DENND5A: variants seen among roughly 807,000 people sequenced by gnomAD.
DENND5A encodes DENN domain-containing protein 5A.
In DENND5A, 64 loss-of-function variants were observed where a neutral mutation model predicts 140.3. That is an observed-to-expected ratio of 0.46 (90% CI 0.37 to 0.56). DENND5A has a LOEUF of 0.56. Among genes scored for constraint, DENND5A ranks in the 20% least tolerant of loss-of-function variants. The probability of loss-of-function intolerance (pLI) is 0.00; values close to 1 mark genes in which losing one functional copy is unlikely to be tolerated. For synonymous variants in DENND5A, 605 were observed against 607.7 expected (o/e 1.00, Z 0.07); for missense variants, 1,292 against 1,593.8 (o/e 0.81, Z 3.22).
At chr11:9,185,963 G>A (rs182008113) in intron 5 of DENND5A, among the ~76,000 whole-genome samples, 1 of 152,122 alleles carries the variant, frequency 6.6e-6, no homozygotes, top group Admixed American at 6.5e-5. Flanking sequence ...CTGTGTCTGT[G>A]ATAATAAAAA....
intron 1 of DENND5A, among the ~76,000 whole-genome samples, chr11:9,244,923 C>G (rs897751863): frequency 1.3e-5 from 2 of 151,936 alleles, no homozygotes; most frequent in African/African-American, 4.8e-5. Context: ...GCGATCCACC[C>G]TCCTTGGCCT....
At position 9,144,126 on chromosome 11, in the gene DENND5A, A is replaced by G. The variant is rs1364300375; in HGVS notation, c.3275T>C (p.Leu1092Pro). ...LQQSPSVIRR[L>P]VTISPNNKPK... Reference sequence around the variant, plus strand: ...CTTGTTGTTGGGTGAGATGGTAACAAGCCTCCGGATGACACTGGGGGACTG... The same window carrying G: ...CTTGTTGTTGGGTGAGATGGTAACAGGCCTCCGGATGACACTGGGGGACTG... Residue 1092 changes from leucine (L) to proline (P), a missense_variant, in exon 19 of 23, where the codon CTT becomes CCT. Transcript: ENST00000328194. The G allele has an allele frequency of 3.1e-6, 5 of 1,613,842 alleles. No individual in the cohort carries two copies. Among genetic ancestry groups the G allele is most frequent in the Non-Finnish European group, 4.2e-6 (5 of 1,179,944 alleles).
chr11:9,252,852 AT>A (rs576567620), intron 1 of DENND5A, among the ~76,000 whole-genome samples: 391 of 143,800 alleles, frequency 2.7e-3, no homozygotes, highest in Middle Eastern at 3.6e-3. Context: ...CAGCAACAGG[AT>A]TTTTTTTTTT....
chr11:9,237,697 C>G (rs1018088493), intron 1 of DENND5A, among the ~76,000 whole-genome samples: 2 of 151,994 alleles, frequency 1.3e-5, no homozygotes, highest in Non-Finnish European at 2.9e-5. Context: ...ACCAGCCTGA[C>G]CAACTTGAAA....
chr11:9,188,430 C>T (rs368371440), intron 5 of DENND5A, among the ~76,000 whole-genome samples: 2 of 152,108 alleles, frequency 1.3e-5, no homozygotes, highest in Admixed American at 6.5e-5. Context: ...TTAAAAGATA[C>T]CCAAAAATGT....
intron 12 of DENND5A, 97 bp from the exon 13 acceptor site, chr11:9,152,539 T>C: frequency 2.4e-6 from 2 of 834,510 alleles, no homozygotes; most frequent in Non-Finnish European, 2.1e-6. Flanking sequence ...AAAATATATG[T>C]ACTGTTTCTT....
chr11:9,155,839 A>G (rs1590214199), intron 12 of DENND5A, among the ~76,000 whole-genome samples: 1 of 152,256 alleles, frequency 6.6e-6, no homozygotes, highest in African/African-American at 2.4e-5. Flanking sequence ...AGTGGTGAGG[A>G]TAACAGAGGT....
intron 22 of DENND5A, among the ~76,000 whole-genome samples, chr11:9,141,371 C>T (rs558021841): frequency 4.3e-4 from 66 of 152,316 alleles, no homozygotes; most frequent in African/African-American, 1.4e-3. Flanking sequence ...TCACGTGTTG[C>T]TTAATGACAG....
intron 12 of DENND5A, among the ~76,000 whole-genome samples, chr11:9,157,816 G>C (rs1847860531): frequency 6.6e-6 from 1 of 152,166 alleles, no homozygotes; most frequent in Non-Finnish European, 1.5e-5. Context: ...CTTTATGGTA[G>C]AACAATTAAT....
chr11:9,259,699 G>C (rs1465849080), intron 1 of DENND5A, among the ~76,000 whole-genome samples: 2 of 152,106 alleles, frequency 1.3e-5, no homozygotes, highest in African/African-American at 4.8e-5. Flanking sequence ...GTGAGCCACT[G>C]TACCAGGACC....
At chr11:9,186,433 G>A (rs185002632) in intron 5 of DENND5A, among the ~76,000 whole-genome samples, 34 of 152,274 alleles carry the variant, frequency 2.2e-4, no homozygotes, top group Non-Finnish European at 4.1e-4. Flanking sequence ...TGTGACCCAC[G>A]AAAGGCACAC....
intron 1 of DENND5A, among the ~76,000 whole-genome samples, chr11:9,260,009 A>C (rs1852122309): frequency 6.8e-6 from 1 of 146,150 alleles, no homozygotes; most frequent in African/African-American, 2.5e-5. Context: ...GCCTGGGCAA[A>C]AGAGCAGGAC....
At chr11:9,230,327 A>G in intron 1 of DENND5A, among the ~76,000 whole-genome samples, 1 of 137,194 alleles carries the variant, frequency 7.3e-6, no homozygotes, top group East Asian at 2.1e-4. Flanking sequence ...TACAATCTCA[A>G]CCTTCTGAGC....
intron 15 of DENND5A, 33 bp from the exon 16 acceptor site, chr11:9,147,184 A>T: frequency 6.2e-7 from 1 of 1,607,516 alleles, no homozygotes; most frequent in South Asian, 1.1e-5. Flanking sequence ...TCAGTCTCCG[A>T]CCAAAAGGAA....
At chr11:9,182,396 G>C (rs1387622978) in intron 5 of DENND5A, among the ~76,000 whole-genome samples, 1 of 152,148 alleles carries the variant, frequency 6.6e-6, no homozygotes, top group East Asian at 1.9e-4. Flanking sequence ...AACTGACACA[G>C]AGAGGTTAAG....
chr11:9,218,787 C>A (rs1218785845), intron 1 of DENND5A, among the ~76,000 whole-genome samples: 1 of 152,090 alleles, frequency 6.6e-6, no homozygotes, highest in Non-Finnish European at 1.5e-5. Flanking sequence ...AGGTGGATCA[C>A]CTGAGGTCAG....
At position 9,230,864 on chromosome 11, in the gene DENND5A, T is replaced by C. The variant is rs188326249; in HGVS notation, c.110-23232A>G. Among the ~76,000 whole-genome samples the C allele has an allele frequency of 5.3e-4, 81 of 152,042 alleles. 1 individual carries two copies. Among genetic ancestry groups the C allele is most frequent in the Admixed American group, 4.0e-3 (61 of 15,242 alleles). On this transcript the variant is annotated intron_variant, in intron 1 of 22. Coordinates refer to ENST00000328194, the MANE Select transcript of DENND5A (RefSeq NM_015213.4). ...AAAAATTAGGCATGGTGGCACACAT[T>C]TGTAGTCCCAGCTGCTAGGGAGGCT...
intron 1 of DENND5A, among the ~76,000 whole-genome samples, chr11:9,215,793 G>A (rs1435887150): frequency 2.6e-5 from 4 of 151,904 alleles, no homozygotes; most frequent in Admixed American, 2.0e-4. Flanking sequence ...CAGAAGATCC[G>A]CCCGCCTCAG....
chr11:9,178,841 A>T lies in DENND5A; in HGVS notation c.1671+17T>A. 6.2e-7 allele frequency: 1 copy of T among 1,605,002 alleles called. No homozygotes were observed. Among genetic ancestry groups the T allele is most frequent in the Non-Finnish European group, 8.5e-7 (1 of 1,171,934 alleles). On this transcript the variant is annotated intron_variant, in intron 7 of 22. Transcript: ENST00000328194. Reference sequence around the variant, plus strand: ...AGTTCTCATTCCTCACCACCTCCCAAGCAGGATTACACTCACTTTATCAAA... The same window carrying T: ...AGTTCTCATTCCTCACCACCTCCCATGCAGGATTACACTCACTTTATCAAA...
Sources: allele counts gnomAD v4.1 joint callset (sites outside exome capture counted in the v4.1 genomes callset), GRCh38; gene constraint gnomAD v4.1.1; transcripts MANE v1.5; gene names NCBI Gene and HGNC (gene_info 2026-07-23, HGNC 2026-07-21).